Variants in PHF24 observed in about 807,000 individuals in gnomAD.
PHF24 encodes PHD finger protein 24, also known as Galpha inhibitory interacting protein.
Under a neutral mutation model 42.6 loss-of-function variants are expected in PHF24, and 25 were observed. The ratio of observed to expected loss-of-function variants is 0.59; its 90% confidence interval spans 0.43 to 0.82. The LOEUF is 0.82. PHF24 is among the 40% of genes least tolerant of loss of function. The probability of loss-of-function intolerance (pLI) is 0.00; values close to 1 mark genes in which losing one functional copy is unlikely to be tolerated. For synonymous variants in PHF24, 185 were observed against 204.8 expected (o/e 0.90, Z 0.83); for missense variants, 470 against 538.1 (o/e 0.87, Z 1.25).
At chr9:34,709,423 C>T in the PHF24 span, 16 of 1,611,140 alleles carry the variant, frequency 9.9e-6, no homozygotes, top group African/African-American at 9.4e-5. Flanking sequence ...TGTGACCGCT[C>T]AGTCCTGTGA....
the PHF24 span, among the ~76,000 whole-genome samples, chr9:34,722,236 T>G: frequency 6.6e-6 from 1 of 152,144 alleles, no homozygotes; most frequent in Non-Finnish European, 1.5e-5. Flanking sequence ...GGGTGAGAAG[T>G]GGGCATTTTC....
At chr9:34,976,979 G>A in intron 5 of PHF24, 104 bp from the exon 6 acceptor site, 1 of 1,316,554 alleles carries the variant, frequency 7.6e-7, no homozygotes, top group Non-Finnish European at 1.0e-6. Flanking sequence ...GCTCTGGGCA[G>A]CTTCTAAGGG....
chr9:34,883,426 C>T, the PHF24 span, among the ~76,000 whole-genome samples: 1 of 152,168 alleles, frequency 6.6e-6, no homozygotes, highest in Non-Finnish European at 1.5e-5. Flanking sequence ...AGTGAACAGG[C>T]AACCTACAAA....
At chr9:34,978,341 G>T in exon 8 of PHF24, 1 of 556,754 alleles carries the variant, frequency 1.8e-6, no homozygotes, top group East Asian at 3.0e-5. Flanking sequence ...TCCTCTCCTG[G>T]ACCGCCCCTG....
At chr9:34,844,828 G>A in the PHF24 span, among the ~76,000 whole-genome samples, 1 of 152,270 alleles carries the variant, frequency 6.6e-6, no homozygotes, top group East Asian at 1.9e-4. Context: ...GTAAATGTCT[G>A]TTAGGTCCAT....
At chr9:34,836,156 A>G in the PHF24 span, 25 of 409,786 alleles carry the variant, frequency 6.1e-5, no homozygotes, top group South Asian at 2.1e-4. Flanking sequence ...CTGCAAGTCT[A>G]GAAGCCTACA....
chr9:34,954,170 A>G (rs1826319319), upstream of PHF24, among the ~76,000 whole-genome samples: 1 of 152,148 alleles, frequency 6.6e-6, no homozygotes, highest in African/African-American at 2.4e-5. Flanking sequence ...ACACACACAC[A>G]CACAAAGGAT....
chr9:34,864,128 C>A, the PHF24 span, among the ~76,000 whole-genome samples: 3 of 152,040 alleles, frequency 2.0e-5, no homozygotes, highest in Non-Finnish European at 4.4e-5. Context: ...GAATAAAAAG[C>A]AATAAAGCAC....
the PHF24 span, among the ~76,000 whole-genome samples, chr9:34,690,705 G>A: frequency 1.3e-5 from 2 of 152,194 alleles, no homozygotes; most frequent in South Asian, 4.2e-4. Flanking sequence ...GTGGGGTAGG[G>A]TAGGCTGGTG....
chr9:34,829,391 G>A, the PHF24 span, among the ~76,000 whole-genome samples: 17 of 152,278 alleles, frequency 1.1e-4, no homozygotes, highest in Admixed American at 7.2e-4. Flanking sequence ...GAACCTATGA[G>A]ACTATCTACC....
the PHF24 span, among the ~76,000 whole-genome samples, chr9:34,847,900 AT>A: frequency 6.6e-6 from 1 of 152,194 alleles, no homozygotes; most frequent in Non-Finnish European, 1.5e-5. Context: ...GCTGGATTAC[AT>A]TTATTGATTT....
the PHF24 span, chr9:34,922,365 T>A: frequency 6.7e-7 from 1 of 1,503,628 alleles, no homozygotes; most frequent in South Asian, 1.1e-5. Context: ...GCAGGCTTTC[T>A]CTGGGGAATT....
chr9:34,971,545 C>CGAGA lies in PHF24; in HGVS notation c.248_251dup (p.Asp84GlufsTer9). 2 of 1,614,112 alleles carry CGAGA rather than the reference C, an allele frequency of 1.2e-6. No individual in the cohort carries two copies. The highest frequency in any genetic ancestry group is 1.7e-6 in the Non-Finnish European group (2 of 1,180,028). Reference sequence around the variant, plus strand: ...CGGCCGCGCAGCCTGGGAGCGGCTCCGAGATGGGCGCGGCGTGGAGCCTGA... The same window carrying CGAGA: ...CGGCCGCGCAGCCTGGGAGCGGCTCCGAGAGAGATGGGCGCGGCGTGGAGCCTGA... On this transcript the variant is annotated frameshift_variant, in exon 2 of 8. Transcript: ENST00000242315. LOFTEE classifies it high-confidence loss of function.
chr9:34,906,600 C>T, the PHF24 span, among the ~76,000 whole-genome samples: 3 of 147,218 alleles, frequency 2.0e-5, no homozygotes, highest in East Asian at 6.1e-4. Flanking sequence ...GCCGAGATCA[C>T]GCCACTGCAC....
At chr9:34,835,233 G>C in the PHF24 span, 1 of 1,552,234 alleles carries the variant, frequency 6.4e-7, no homozygotes, top group Non-Finnish European at 8.7e-7. Context: ...CAGGTCTGGA[G>C]GGAAATGGTC....
At chr9:34,738,243 T>C in the PHF24 span, among the ~76,000 whole-genome samples, 1 of 152,170 alleles carries the variant, frequency 6.6e-6, no homozygotes. Flanking sequence ...ATAATAATAT[T>C]GTAATTGTTT....
the PHF24 span, among the ~76,000 whole-genome samples, chr9:34,750,823 A>T: frequency 6.6e-6 from 1 of 152,086 alleles, no homozygotes; most frequent in African/African-American, 2.4e-5. Context: ...CAGAAAACAA[A>T]TTTTTTAAAA....
the PHF24 span, among the ~76,000 whole-genome samples, chr9:34,858,549 G>A: frequency 6.6e-6 from 1 of 152,152 alleles, no homozygotes; most frequent in Non-Finnish European, 1.5e-5. Flanking sequence ...AGAGGGTGAG[G>A]ATGTAAGAAC....
the PHF24 span, among the ~76,000 whole-genome samples, chr9:34,795,260 A>G: frequency 6.8e-6 from 1 of 147,842 alleles, no homozygotes; most frequent in African/African-American, 2.5e-5. Flanking sequence ...AGAGAGAGAG[A>G]AAAAAAAAAC....
Sources: allele counts gnomAD v4.1 joint callset (sites outside exome capture counted in the v4.1 genomes callset), GRCh38; gene constraint gnomAD v4.1.1; transcripts MANE v1.5; gene names NCBI Gene and HGNC (gene_info 2026-07-23, HGNC 2026-07-21).